MCM10: variants seen among roughly 807,000 people sequenced by gnomAD.
MCM10 encodes the protein minichromosome maintenance 10 replication initiation factor, also known as protein MCM10 homolog.
MCM10 carries 91 observed loss-of-function variants against 109.9 expected under a neutral mutation model. That is an observed-to-expected ratio of 0.83 (90% CI 0.70 to 0.99). The LOEUF is 0.99. Among genes scored for constraint, MCM10 ranks in the 50% least tolerant of loss-of-function variants. MCM10 has a pLI of 0.00. For missense variants in MCM10, 1,077 were observed against 1,061.2 expected, an observed-to-expected ratio of 1.01 and a Z score of -0.21; for synonymous variants, 380 against 387.2, an observed-to-expected ratio of 0.98 and a Z score of 0.22.
chr10:13,161,871 C>T (rs1224018116), intron 1 of MCM10, among the ~76,000 whole-genome samples: 1 of 151,290 alleles, frequency 6.6e-6, no homozygotes, highest in African/African-American at 2.4e-5. Flanking sequence ...TGCCAAGTGC[C>T]TGCCGCCTGG....
intron 10 of MCM10, among the ~76,000 whole-genome samples, chr10:13,189,562 A>G (rs1031321293): frequency 6.6e-6 from 1 of 152,210 alleles, no homozygotes; most frequent in Non-Finnish European, 1.5e-5. Context: ...ACCTCAGGTG[A>G]TCTGCCTGCC....
chr10:13,190,771 TA>T (rs201879358), intron 10 of MCM10, among the ~76,000 whole-genome samples: 3,327 of 152,330 alleles, frequency 0.022, 62 homozygotes, highest in South Asian at 0.077. Context: ...TTTAGTAATA[TA>T]AAATGAGATC....
At position 13,164,169 on chromosome 10, in the gene MCM10, C is replaced by T. The variant is rs115861395; in HGVS notation, c.-34C>T. 1,777 of 1,572,326 alleles carry T rather than the reference C, an allele frequency of 1.1e-3. 15 individuals carry two copies. In the African/African-American group the frequency reaches 0.019, roughly 17 times the overall value. ...CTCATCTGGGCATCTGAGCCTCCTT[C>T]GAAGTTTCCTGTCACAACTGTCCTC... On this transcript the variant is annotated 5_prime_UTR_variant, in exon 2 of 20. Coordinates refer to ENST00000378714, the MANE Select transcript of MCM10 (RefSeq NM_018518.5).
intron 6 of MCM10, among the ~76,000 whole-genome samples, chr10:13,178,782 C>G (rs1834173117): frequency 6.6e-6 from 1 of 152,156 alleles, no homozygotes. Flanking sequence ...CATTGACGCT[C>G]TAGATTGCTT....
intron 10 of MCM10, among the ~76,000 whole-genome samples, chr10:13,189,783 G>C (rs993178702): frequency 6.6e-6 from 1 of 152,170 alleles, no homozygotes; most frequent in African/African-American, 2.4e-5. Context: ...AATATACTAT[G>C]AAGCTTCACA....
chr10:13,185,604 G>T (rs6602640), intron 8 of MCM10, among the ~76,000 whole-genome samples: 126,458 of 152,164 alleles, frequency 0.83, 52,932 homozygotes, highest in South Asian at 0.89. Flanking sequence ...CAGGATCTAT[G>T]ACCTGAGGCT....
chr10:13,180,175 T>C (rs11258232), intron 6 of MCM10, among the ~76,000 whole-genome samples: 111,533 of 151,918 alleles, frequency 0.73, 41,137 homozygotes, highest in South Asian at 0.86. Context: ...CACTTGAACC[T>C]GGGAGGCGGA....
chr10:13,206,510 G>A (rs915462947), intron 18 of MCM10, among the ~76,000 whole-genome samples: 1 of 152,168 alleles, frequency 6.6e-6, no homozygotes, highest in Non-Finnish European at 1.5e-5. Context: ...GAGGGAGGGA[G>A]CCAGGAAGCC....
chr10:13,195,497 C>A (rs190158784), intron 14 of MCM10: 1 of 379,374 alleles, frequency 2.6e-6, no homozygotes. Context: ...TGTTTTATAA[C>A]CAGAGGCATT....
intron 18 of MCM10, among the ~76,000 whole-genome samples, chr10:13,206,160 G>A (rs1225357945): frequency 1.3e-5 from 2 of 152,134 alleles, no homozygotes; most frequent in East Asian, 3.8e-4. Flanking sequence ...TCACATAGGT[G>A]GTACAGAATT....
intron 15 of MCM10, among the ~76,000 whole-genome samples, chr10:13,198,213 T>A (rs760682351): frequency 1.3e-5 from 2 of 152,152 alleles, no homozygotes; most frequent in Non-Finnish European, 2.9e-5. Flanking sequence ...CTGATTTTTT[T>A]ATAATTACAT....
chr10:13,173,429 C>A (rs1834101656), intron 5 of MCM10, among the ~76,000 whole-genome samples: 1 of 152,192 alleles, frequency 6.6e-6, no homozygotes, highest in Non-Finnish European at 1.5e-5. Flanking sequence ...GAAAAGACTT[C>A]TTTGCCACTA....
intron 6 of MCM10, among the ~76,000 whole-genome samples, chr10:13,177,650 T>G (rs1347566182): frequency 6.6e-6 from 1 of 151,800 alleles, no homozygotes; most frequent in Non-Finnish European, 1.5e-5. Context: ...GGGTGGCAGA[T>G]TGCTTGAGCT....
At chr10:13,166,880 T>C (rs1215299138) in intron 2 of MCM10, among the ~76,000 whole-genome samples, 1 of 151,950 alleles carries the variant, frequency 6.6e-6, no homozygotes, top group Non-Finnish European at 1.5e-5. Context: ...TGATCATACC[T>C]GTAGTCCCAG....
Position 13,192,521 on chromosome 10 carries a change from G to A in MCM10, c.1698G>A (p.Gln566=). ...CAGCACTCTTGAAGCAACAGAAGCA[G>A]CGGATGTTGGAGATGAGGAGAAGGA... ...SASALLKQQK[Q]RMLEMRRRKS... Residue 566 remains glutamine (Q), a synonymous_variant, in exon 13 of 20, where the codon CAG becomes CAA. Transcript: ENST00000378714. The A allele has an allele frequency of 6.2e-7, 1 of 1,614,208 alleles. No homozygotes were observed. Among genetic ancestry groups the A allele is most frequent in the Non-Finnish European group, 8.5e-7 (1 of 1,180,042 alleles).
At chr10:13,190,523 A>G (rs926922133) in intron 10 of MCM10, among the ~76,000 whole-genome samples, 14 of 45,200 alleles carry the variant, frequency 3.1e-4, no homozygotes, top group Non-Finnish European at 7.0e-4. Context: ...ATCTCTACAA[A>G]ATGCAAAAAA....
chr10:13,165,933 T>C (rs1159724150), intron 2 of MCM10, among the ~76,000 whole-genome samples: 1 of 151,018 alleles, frequency 6.6e-6, no homozygotes, highest in East Asian at 1.9e-4. Flanking sequence ...AAAATCTCAT[T>C]TGATTGGCAT....
Position 13,182,926 on chromosome 10 carries a change from G to T in MCM10, c.931-7G>T. 2.5e-6 allele frequency: 4 copies of T among 1,608,348 alleles called. No individual in the cohort carries two copies. Among genetic ancestry groups the T allele is most frequent in the Non-Finnish European group, 2.5e-6 (3 of 1,176,552 alleles). ...TCAAAATTATAAAAAATAACTATTT[G>T]TTCCAGGGAAAAACCTTCAGCATAT... On this transcript the variant is annotated splice_polypyrimidine_tract_variant and splice_region_variant and intron_variant, in intron 7 of 19. Transcript: ENST00000378714. The surrounding 1 kb of genome is among the most constrained non-coding windows in gnomAD (Gnocchi z 4.2).
intron 13 of MCM10, 57 bp downstream of exon 13, chr10:13,192,625 G>C: frequency 6.8e-7 from 1 of 1,479,978 alleles, no homozygotes; most frequent in Non-Finnish European, 9.4e-7. Context: ...GGCGTCCTCA[G>C]AACGTCTTCA....
Sources: gnomAD v4.1 joint callset for allele counts (sites outside exome capture counted in the v4.1 genomes callset) on GRCh38, gnomAD v4.1.1 for gene constraint, Gnocchi (gnomAD v3.1) non-coding constraint, MANE v1.5 for transcripts, NCBI Gene and HGNC (gene_info 2026-07-23, HGNC 2026-07-21) for gene names.